Variants in KCNH8 observed in about 807,000 individuals in gnomAD.
KCNH8 encodes the protein potassium voltage-gated channel subfamily H member 8, also known as voltage-gated delayed rectifier potassium channel KCNH8.
A neutral mutation model predicts 103.6 loss-of-function variants in KCNH8; 70 were observed. The observed-to-expected ratio is 0.68, with a 90% CI of 0.56 to 0.82. The LOEUF is 0.82. KCNH8 is among the 40% of genes least tolerant of loss of function. KCNH8 has a pLI of 0.00. For missense variants in KCNH8, 1,217 were observed against 1,329.9 expected (o/e 0.92, Z 1.32); for synonymous variants, 498 against 489.4 (o/e 1.02, Z -0.23).
intron 10 of KCNH8, among the ~76,000 whole-genome samples, chr3:19,456,114 T>C (rs1336453422): frequency 1.3e-5 from 2 of 152,088 alleles, no homozygotes; most frequent in African/African-American, 4.8e-5. Flanking sequence ...CTATGTATTA[T>C]TCCTAGTGTC....
chr3:19,469,405 A>G (rs1251284304), intron 11 of KCNH8, among the ~76,000 whole-genome samples: 2 of 152,022 alleles, frequency 1.3e-5, no homozygotes, highest in African/African-American at 2.4e-5. Context: ...TTGTACTTGG[A>G]TCCAGTATGT....
intron 3 of KCNH8, among the ~76,000 whole-genome samples, chr3:19,287,116 AAAG>A (rs1416668083): frequency 6.6e-6 from 1 of 152,096 alleles, no homozygotes; most frequent in Non-Finnish European, 1.5e-5. Context: ...GCAAAAAAAA[AAAG>A]GTCATAGGTG....
intron 1 of KCNH8, among the ~76,000 whole-genome samples, chr3:19,238,330 C>T (rs2064091201): frequency 6.6e-6 from 1 of 152,152 alleles, no homozygotes; most frequent in Non-Finnish European, 1.5e-5. Flanking sequence ...TAAGAGTGCT[C>T]TCTCTTCTAT....
chr3:19,441,970 A>C (rs1462833491), intron 8 of KCNH8, among the ~76,000 whole-genome samples: 1 of 152,220 alleles, frequency 6.6e-6, no homozygotes. Context: ...AAAGAGTTTT[A>C]ATGATACCAG....
rs2065766279 is a variant in KCNH8, at chr3:19,349,120, G to C, written c.811+1155G>C. Reference sequence around the variant, plus strand: ...AGAAGTGGTAGCTATAGTGTGTTTAGGCCACTAGATGGCAATGTTGTCTAG... The same window carrying C: ...AGAAGTGGTAGCTATAGTGTGTTTACGCCACTAGATGGCAATGTTGTCTAG... On this transcript the variant is annotated intron_variant, in intron 5 of 15. Coordinates refer to ENST00000328405, the MANE Select transcript of KCNH8 (RefSeq NM_144633.3). 2.0e-5 allele frequency among the ~76,000 whole-genome samples: 3 copies of C among 151,688 alleles called. No individual in the cohort carries two copies. In the South Asian group the frequency reaches 6.2e-4, roughly 32 times the overall value.
chr3:19,181,939 A>G (rs760244720), intron 1 of KCNH8, among the ~76,000 whole-genome samples: 2 of 152,214 alleles, frequency 1.3e-5, no homozygotes, highest in Non-Finnish European at 2.9e-5. Context: ...TAATACTAAC[A>G]AAGTGAATTC....
At chr3:19,525,439 GCAGA>G (rs2069048568) in intron 15 of KCNH8, among the ~76,000 whole-genome samples, 1 of 151,926 alleles carries the variant, frequency 6.6e-6, no homozygotes, top group Non-Finnish European at 1.5e-5. Context: ...TATTCTGAGA[GCAGA>G]CAAACTTTCA....
At chr3:19,347,150 A>G (rs139847412) in intron 4 of KCNH8, among the ~76,000 whole-genome samples, 1 of 152,204 alleles carries the variant, frequency 6.6e-6, no homozygotes, top group Admixed American at 6.6e-5. Context: ...TGGGTTCCCA[A>G]CTTCACCAAC....
At chr3:19,512,060 A>C (rs1366075135) in intron 12 of KCNH8, among the ~76,000 whole-genome samples, 1 of 152,150 alleles carries the variant, frequency 6.6e-6, no homozygotes, top group Non-Finnish European at 1.5e-5. Flanking sequence ...TAAATTATTG[A>C]TGATCAGATA....
At chr3:19,321,821 C>T (rs901042688) in intron 3 of KCNH8, among the ~76,000 whole-genome samples, 2 of 151,846 alleles carry the variant, frequency 1.3e-5, no homozygotes, top group African/African-American at 4.8e-5. Flanking sequence ...TATGTCATTT[C>T]TTAGATCTAG....
intron 7 of KCNH8, among the ~76,000 whole-genome samples, chr3:19,396,951 A>G (rs188183765): frequency 6.6e-6 from 1 of 152,016 alleles, no homozygotes; most frequent in African/African-American, 2.4e-5. Context: ...CACTCATATT[A>G]ATTTGTAAGT....
At chr3:19,364,077 C>A (rs2065979453) in intron 5 of KCNH8, among the ~76,000 whole-genome samples, 1 of 151,888 alleles carries the variant, frequency 6.6e-6, no homozygotes, top group Admixed American at 6.6e-5. Flanking sequence ...TGTTTGGCTC[C>A]CTCTCTCCCT....
At chr3:19,372,985 T>C (rs1435934557) in intron 5 of KCNH8, among the ~76,000 whole-genome samples, 1 of 151,818 alleles carries the variant, frequency 6.6e-6, no homozygotes, top group African/African-American at 2.4e-5. Flanking sequence ...TGGATAAGCT[T>C]TTTGATGTGC....
chr3:19,419,196 T>G (rs1347109674), intron 7 of KCNH8, among the ~76,000 whole-genome samples: 34 of 126,172 alleles, frequency 2.7e-4, no homozygotes, highest in African/African-American at 1.0e-3. Flanking sequence ...ATGGTTTTGG[T>G]TTTTTTTTTT....
chr3:19,523,545 A>T (rs2069009212), intron 15 of KCNH8, among the ~76,000 whole-genome samples: 1 of 151,966 alleles, frequency 6.6e-6, no homozygotes, highest in Non-Finnish European at 1.5e-5. Context: ...AACACAGGTC[A>T]GCAGAAGGGG....
At chr3:19,393,840 T>G (rs1001521368) in intron 6 of KCNH8, among the ~76,000 whole-genome samples, 1 of 152,098 alleles carries the variant, frequency 6.6e-6, no homozygotes, top group African/African-American at 2.4e-5. Context: ...TTCACAAGAT[T>G]ACAACTGAAT....
chr3:19,407,621 C>T (rs1392645742), intron 7 of KCNH8, among the ~76,000 whole-genome samples: 3 of 152,102 alleles, frequency 2.0e-5, no homozygotes, highest in Admixed American at 6.5e-5. Context: ...CCTGCCCCAC[C>T]ATTCCTAGAC....
intron 2 of KCNH8, among the ~76,000 whole-genome samples, chr3:19,276,791 G>A (rs2064679386): frequency 6.6e-6 from 1 of 152,090 alleles, no homozygotes; most frequent in South Asian, 2.1e-4. Flanking sequence ...ATGAAGAAAA[G>A]TATGGAATGG....
At chr3:19,354,679 T>C (rs1348845151) in intron 5 of KCNH8, among the ~76,000 whole-genome samples, 2 of 152,212 alleles carry the variant, frequency 1.3e-5, no homozygotes, top group African/African-American at 2.4e-5. Flanking sequence ...GCTAGCAATA[T>C]GTAGAAAGCT....
Sources: allele counts gnomAD v4.1 joint callset (sites outside exome capture counted in the v4.1 genomes callset), GRCh38; gene constraint gnomAD v4.1.1; transcripts MANE v1.5; gene names NCBI Gene and HGNC (gene_info 2026-07-23, HGNC 2026-07-21).